Variants in SEMA4D observed in about 807,000 individuals in gnomAD.
SEMA4D encodes semaphorin-4D.
In SEMA4D, 22 loss-of-function variants were observed where a neutral mutation model predicts 74.8. The observed-to-expected ratio is 0.29, with a 90% CI of 0.21 to 0.42. The LOEUF (loss-of-function observed/expected upper bound fraction) is 0.42, where lower values mean the gene tolerates loss of function less well. SEMA4D is among the 10% of genes least tolerant of loss of function. The probability of loss-of-function intolerance (pLI) is 1.00; values close to 1 mark genes in which losing one functional copy is unlikely to be tolerated. For synonymous variants in SEMA4D, 445 were observed against 463.7 expected, an observed-to-expected ratio of 0.96 and a Z score of 0.52; for missense variants, 937 against 1,118.4, an observed-to-expected ratio of 0.84 and a Z score of 2.31.
intron 2 of SEMA4D, among the ~76,000 whole-genome samples, chr9:89,430,680 A>G (rs1213099661): frequency 6.6e-6 from 1 of 152,176 alleles, no homozygotes; most frequent in Non-Finnish European, 1.5e-5. Context: ...TCATCCAAAT[A>G]TGCACCATCA....
intron 1 of SEMA4D, among the ~76,000 whole-genome samples, chr9:89,480,041 C>T (rs139837512): frequency 0.19 from 28,352 of 151,894 alleles, 2,818 homozygotes; most frequent in East Asian, 0.32. Flanking sequence ...ACGTCCCCAT[C>T]AGATTAGTTA....
rs528995498 is a variant in SEMA4D, at chr9:89,416,819, C to T, written c.-243-11120G>A. Among the ~76,000 whole-genome samples, 6 of 152,314 alleles carry T rather than the reference C, an allele frequency of 3.9e-5. No individual in the cohort carries two copies. The East Asian group carries it at 1.2e-3, about 29-fold the overall frequency. On this transcript the variant is annotated intron_variant, in intron 2 of 15. Coordinates refer to ENST00000422704, the MANE Select transcript of SEMA4D (RefSeq NM_001371194.2). Reference sequence around the variant, plus strand: ...CCCATGCTACACCCAAGTCAGTAGACCAAAAATTGAAACCCACCACATTAG... The same window carrying T: ...CCCATGCTACACCCAAGTCAGTAGATCAAAAATTGAAACCCACCACATTAG...
At chr9:89,448,129 C>T (rs145606251) in intron 2 of SEMA4D, among the ~76,000 whole-genome samples, 1 of 152,314 alleles carries the variant, frequency 6.6e-6, no homozygotes, top group Non-Finnish European at 1.5e-5. Context: ...TGCATTTCAC[C>T]ATGCCTGGCT....
intron 4 of SEMA4D, 116 bp downstream of exon 4, chr9:89,402,755 T>TCA: frequency 8.9e-7 from 1 of 1,127,782 alleles, no homozygotes; most frequent in Non-Finnish European, 1.3e-6. Context: ...GGCTGCATGG[T>TCA]CACAGCTACA....
chr9:89,387,342 AG>A, intron 12 of SEMA4D, 43 bp downstream of exon 12: 1 of 1,492,144 alleles, frequency 6.7e-7, no homozygotes, highest in Non-Finnish European at 9.2e-7. Context: ...CAGAGGACAC[AG>A]ATGTGCTGTC....
chr9:89,430,822 C>T (rs1036850052), intron 2 of SEMA4D, among the ~76,000 whole-genome samples: 1 of 152,060 alleles, frequency 6.6e-6, no homozygotes, highest in Non-Finnish European at 1.5e-5. Flanking sequence ...ACTAAAAATA[C>T]AAAAATTAGC....
At chr9:89,398,049 CA>C (rs963714493) in intron 5 of SEMA4D, among the ~76,000 whole-genome samples, 4 of 152,198 alleles carry the variant, frequency 2.6e-5, no homozygotes, top group African/African-American at 9.6e-5. Context: ...TCTAGGCAGA[CA>C]GGGGCAGGTC....
intron 1 of SEMA4D, among the ~76,000 whole-genome samples, chr9:89,463,896 T>C (rs901439580): frequency 1.4e-5 from 2 of 148,024 alleles, no homozygotes; most frequent in African/African-American, 5.0e-5. Flanking sequence ...ATTGCACCAC[T>C]GCACTCCAGC....
chr9:89,379,542 C>G lies in SEMA4D; in HGVS notation c.1751G>C (p.Arg584Pro), dbSNP rs749016931. 1 of 1,614,154 alleles carries G rather than the reference C, an allele frequency of 6.2e-7. No individual in the cohort carries two copies. ...LKCSQKSNLARVFWKFQNGVL... is the reference protein window; with the variant it reads ...LKCSQKSNLAPVFWKFQNGVL... ...GCCATTCTGGAACTTCCAAAAGACC[C>G]GGGCCAGGTTGGATTTTTGGGAGCA... Residue 584 changes from arginine to proline, a missense_variant, in exon 16 of 16, where the codon CGG becomes CCG. Coordinates refer to ENST00000422704, the MANE Select transcript of SEMA4D (RefSeq NM_001371194.2).
chr9:89,450,526 T>C, intron 2 of SEMA4D: 1 of 1,191,980 alleles, frequency 8.4e-7, no homozygotes, highest in South Asian at 1.2e-5. Context: ...AAATTTACAG[T>C]TCTGCTCCTG....
chr9:89,396,113 C>G (rs1280871158), intron 6 of SEMA4D, among the ~76,000 whole-genome samples: 2 of 152,160 alleles, frequency 1.3e-5, no homozygotes, highest in Non-Finnish European at 2.9e-5. Flanking sequence ...CGGTGAGGGA[C>G]AGAGGCCGGA....
At chr9:89,375,138 G>A (rs899194752), downstream of SEMA4D, among the ~76,000 whole-genome samples, 1 of 152,186 alleles carries the variant, frequency 6.6e-6, no homozygotes, top group Admixed American at 6.5e-5. Flanking sequence ...TGGGTCCACG[G>A]CCAGTTCATA....
Position 89,378,530 on chromosome 9 carries a change from C to A in SEMA4D, c.*174G>T. On this transcript the variant is annotated 3_prime_UTR_variant, in exon 16 of 16. Transcript: ENST00000422704. ...TTTTTCCAAAAGGACAAAGAGAAAC[C>A]AAGTCACAGGCTCAACCCAAGAGAA... 1 of 591,734 alleles carries A rather than the reference C, an allele frequency of 1.7e-6. No homozygotes were observed. Among genetic ancestry groups the A allele is most frequent in the Non-Finnish European group, 3.0e-6 (1 of 334,274 alleles). 36.7% of individuals were successfully genotyped at this position (591,734 alleles called of 1,614,324 possible).
chr9:89,421,798 T>C lies in SEMA4D; in HGVS notation c.-243-16099A>G, dbSNP rs535477192. ...GGCACATGGTGTGTGACCGTGTGTG[T>C]GCGTGTGTGTGTGTGTGTGGGTGTG... On this transcript the variant is annotated intron_variant, in intron 2 of 15. Coordinates refer to ENST00000422704, the MANE Select transcript of SEMA4D (RefSeq NM_001371194.2). Among the ~76,000 whole-genome samples the C allele has an allele frequency of 7.1e-3, 1,080 of 152,106 alleles. 6 individuals carry two copies. Among genetic ancestry groups the C allele is most frequent in the Non-Finnish European group, 0.012 (842 of 67,994 alleles).
At chr9:89,491,255 G>A (rs1825600685) in intron 1 of SEMA4D, among the ~76,000 whole-genome samples, 1 of 152,152 alleles carries the variant, frequency 6.6e-6, no homozygotes, top group Non-Finnish European at 1.5e-5. Context: ...CAGTTCAAAA[G>A]CCTCTGGGGA....
chr9:89,387,605 T>C lies in SEMA4D; in HGVS notation c.1111A>G (p.Ile371Val), dbSNP rs773490330. ...PVPKPRPGAC[I>V]DSEARAANYT... ...TTGGCGGCCCGTGCCTCGCTGTCGA[T>C]GCACTGCAGGGAGAAAATCCCCGCT... The change falls in exon 12 of 16, where the codon ATC (isoleucine) becomes GTC (valine). Residue 371 changes from isoleucine (I) to valine (V), a missense_variant. By Grantham distance (29) the Ile-to-Val change is conservative (BLOSUM62 3). Coordinates refer to ENST00000422704, the MANE Select transcript of SEMA4D (RefSeq NM_001371194.2). The C allele has an allele frequency of 3.1e-6, 5 of 1,613,824 alleles. No individual in the cohort carries two copies. The highest frequency in any genetic ancestry group is 1.7e-5 in the Admixed American group (1 of 60,022).
In SEMA4D at chr9:89,475,793, G is replaced by A. The variant is rs987972537; in HGVS notation, c.-309-19840C>T. On this transcript the variant is annotated intron_variant, in intron 1 of 15. Transcript: ENST00000422704. ...CAATGTCAGCAGGCTCACAGAGAGC[G>A]GGAAACAATGATATGACCATGGCTT... is the stretch of plus-strand genomic sequence containing the variant. Among the ~76,000 whole-genome samples the A allele has an allele frequency of 7.2e-5, 11 of 152,182 alleles. No homozygotes were observed. The South Asian group carries it at 8.3e-4, about 11-fold the overall frequency.
In SEMA4D at chr9:89,447,597, T is replaced by C. The variant is rs575623559; in HGVS notation, c.-244+8291A>G. On this transcript the variant is annotated intron_variant, in intron 2 of 15. Transcript: ENST00000422704. Reference sequence around the variant, plus strand: ...TGAAGGGAGCCACTCCTCATCGACATTGCTGCACCGTGCCCACACCAGCAC... The same window carrying C: ...TGAAGGGAGCCACTCCTCATCGACACTGCTGCACCGTGCCCACACCAGCAC... Among the ~76,000 whole-genome samples the C allele has an allele frequency of 7.0e-4, 107 of 152,078 alleles. 1 individual carries two copies. The highest frequency in any genetic ancestry group is 2.5e-3 in the African/African-American group (103 of 41,510).
intron 2 of SEMA4D, among the ~76,000 whole-genome samples, chr9:89,446,659 A>G (rs7868278): frequency 0.96 from 145,879 of 152,286 alleles, 70,102 homozygotes; most frequent in Non-Finnish European, 1. Context: ...GCCGCTTCCC[A>G]CTTCCCCTCA....
Sources: allele counts gnomAD v4.1 joint callset (sites outside exome capture counted in the v4.1 genomes callset), GRCh38; gene constraint gnomAD v4.1.1; transcripts MANE v1.5; gene names NCBI Gene and HGNC (gene_info 2026-07-23, HGNC 2026-07-21).